Variants in NR2F1 observed in about 807,000 individuals in gnomAD.
The protein encoded by NR2F1 is nuclear receptor subfamily 2 group F member 1.
NR2F1 carries 1 observed loss-of-function variant against 37.7 expected under a neutral mutation model. The observed-to-expected ratio is 0.03, with a 90% CI of 0.01 to 0.13. The LOEUF (loss-of-function observed/expected upper bound fraction) is 0.13. Ranked by LOEUF, NR2F1 falls within the 10% of genes least tolerant of loss-of-function variation. The probability of loss-of-function intolerance (pLI) is 1.00; values close to 1 mark genes in which losing one functional copy is unlikely to be tolerated. For missense variants in NR2F1, 268 were observed against 578.4 expected, an observed-to-expected ratio of 0.46 and a Z score of 5.50; for synonymous variants, 275 against 259.6, an observed-to-expected ratio of 1.06 and a Z score of -0.57.
intron 1 of NR2F1, 196 bp downstream of exon 1, chr5:93,585,682 C>T (rs1046973168): frequency 5.1e-6 from 3 of 584,552 alleles, no homozygotes; most frequent in African/African-American, 1.9e-5. Context: ...CTGCCTCCCC[C>T]TCCCGGCCTG....
chr5:93,587,805 C>T, intron 1 of NR2F1, 112 bp from the exon 2 acceptor site: 3 of 1,138,318 alleles, frequency 2.6e-6, no homozygotes, highest in African/African-American at 3.1e-5. Flanking sequence ...ATGCGCGGGG[C>T]GCGTGTGGCT....
chr5:93,593,508 G>C lies in NR2F1; in HGVS notation c.992-54G>C. The C allele has an allele frequency of 6.4e-7, 1 of 1,559,022 alleles. No homozygotes were observed. The highest frequency in any genetic ancestry group is 1.2e-5 in the South Asian group (1 of 86,942). On this transcript the variant is annotated intron_variant, in intron 2 of 2. Transcript: ENST00000327111. This position sits in a 1 kb window ranked among gnomAD's most constrained non-coding sequence, Gnocchi z 5.6. ...CTTATTTTGCCTTTGCTATTTGTCA[G>C]CCTAACCGTGTGCTCCCTTTCCCTG...
chr5:93,593,898 G>A lies in NR2F1; in HGVS notation c.*56G>A, dbSNP rs1344989293. The A allele has an allele frequency of 1.3e-6, 2 of 1,551,034 alleles. No homozygotes were observed. Among genetic ancestry groups the A allele is most frequent in the Non-Finnish European group, 8.8e-7 (1 of 1,139,680 alleles). The stretch of plus-strand genomic sequence containing the variant: ...CCTAGAGACTCAGAGGACCCACCTG[G>A]GCCAAGGACTCCAAAGCCGCGGGGA... On this transcript the variant is annotated 3_prime_UTR_variant, in exon 3 of 3. Transcript: ENST00000327111. The surrounding 1 kb of genome is among the most constrained non-coding windows in gnomAD (Gnocchi z 5.6).
rs780963401 is a variant in NR2F1, at chr5:93,593,535, C to G, written c.992-27C>G. The G allele has an allele frequency of 6.2e-7, 1 of 1,601,738 alleles. No individual in the cohort carries two copies. The highest frequency in any genetic ancestry group is 1.7e-5 in the Admixed American group (1 of 59,620). ...CTAACCGTGTGCTCCCTTTCCCTGT[C>G]TCTCCCTCCTGTGGCTGCTTGGGCA... On this transcript the variant is annotated intron_variant, in intron 2 of 2. Transcript: ENST00000327111. The surrounding 1 kb of genome is among the most constrained non-coding windows in gnomAD (Gnocchi z 5.6).
rs979653126 is a variant in NR2F1, at chr5:93,594,392, A to G, written c.*550A>G. 1 of 152,288 alleles carries G rather than the reference A, an allele frequency of 6.6e-6. No homozygotes were observed. Among genetic ancestry groups the G allele is most frequent in the African/African-American group, 2.4e-5 (1 of 41,420 alleles). The allele number at this position is 152,288 out of a possible 1,614,324, so 9.4% of individuals were successfully genotyped here. A position where few individuals can be genotyped will look rare whatever the true frequency, so the allele number is the denominator to read the frequency against. On this transcript the variant is annotated 3_prime_UTR_variant, in exon 3 of 3. Transcript: ENST00000327111. Reference sequence around the variant, plus strand: ...GAAACAAGAATTAGGGGAAAATAACATTTTCCAAATAATTATAAAAAATTG... The same window carrying G: ...GAAACAAGAATTAGGGGAAAATAACGTTTTCCAAATAATTATAAAAAATTG...
At chr5:93,585,718 C>T (rs1327438557) in intron 1 of NR2F1, 1 of 556,246 alleles carries the variant, frequency 1.8e-6, no homozygotes, top group Non-Finnish European at 3.2e-6. Context: ...CTCCCCCACC[C>T]CGCCCGCTGC....
intron 1 of NR2F1, 71 bp downstream of exon 1, chr5:93,585,557 CG>C: frequency 7.6e-7 from 1 of 1,309,072 alleles, no homozygotes; most frequent in South Asian, 1.4e-5. Context: ...CTTTCTCGCC[CG>C]GGTGGTTGCT....
rs911409694 is a variant in NR2F1 at position 93,589,272 on chromosome 5, T to C, written c.991+828T>C. Reference sequence around the variant, plus strand: ...GTGTAGGCAGTGGTAACATGCATGTTAACAATTTCTCTTATGATAGATGGT... The same window carrying C: ...GTGTAGGCAGTGGTAACATGCATGTCAACAATTTCTCTTATGATAGATGGT... On this transcript the variant is annotated intron_variant, in intron 2 of 2. Transcript: ENST00000327111. 5.9e-5 allele frequency among the ~76,000 whole-genome samples: 9 copies of C among 152,366 alleles called. No individual in the cohort carries two copies. In the East Asian group the frequency reaches 1.7e-3, roughly 29 times the overall value.
At position 93,593,294 on chromosome 5, in the gene NR2F1, T is replaced by C. The variant is rs1753364596; in HGVS notation, c.992-268T>C. ...AAGGGACTAGAGAGGTTTCTGCCTC[T>C]GCATGTGTGTGCCTCTCTCTCCAGC... On this transcript the variant is annotated intron_variant, in intron 2 of 2. Coordinates refer to ENST00000327111, the MANE Select transcript of NR2F1 (RefSeq NM_005654.6). The surrounding 1 kb of genome is among the most constrained non-coding windows in gnomAD (Gnocchi z 5.6). 6.6e-6 allele frequency among the ~76,000 whole-genome samples: 1 copy of C among 152,084 alleles called. No individual in the cohort carries two copies. The highest frequency in any genetic ancestry group is 6.5e-5 in the Admixed American group (1 of 15,276).
chr5:93,591,057 C>G (rs555281538), intron 2 of NR2F1, among the ~76,000 whole-genome samples: 1 of 152,352 alleles, frequency 6.6e-6, no homozygotes, highest in Non-Finnish European at 1.5e-5. Flanking sequence ...TTCCTGAACA[C>G]TAAACTCTTC....
At position 93,593,550 on chromosome 5, in the gene NR2F1, C is replaced by T. The variant is rs1263029339; in HGVS notation, c.992-12C>T. On this transcript the variant is annotated splice_polypyrimidine_tract_variant and intron_variant, in intron 2 of 2. Transcript: ENST00000327111. The surrounding 1 kb of genome is among the most constrained non-coding windows in gnomAD (Gnocchi z 5.6). ...CTTTCCCTGTCTCTCCCTCCTGTGG[C>T]TGCTTGGGCAGACGCCTGTGGCCTG... 6.2e-7 allele frequency: 1 copy of T among 1,607,522 alleles called. No individual in the cohort carries two copies. Among genetic ancestry groups the T allele is most frequent in the Non-Finnish European group, 8.5e-7 (1 of 1,174,870 alleles).
chr5:93,590,059 C>T (rs949840706), intron 2 of NR2F1, among the ~76,000 whole-genome samples: 5 of 152,230 alleles, frequency 3.3e-5, no homozygotes, highest in African/African-American at 1.2e-4. Flanking sequence ...TTGATGGAAA[C>T]GTGTTTTTCA....
Position 93,593,164 on chromosome 5 carries a change from G to A in NR2F1, c.992-398G>A, listed in dbSNP as rs920317530. Among the ~76,000 whole-genome samples, 11 of 152,172 alleles carry A rather than the reference G, an allele frequency of 7.2e-5. No homozygotes were observed. Among genetic ancestry groups the A allele is most frequent in the African/African-American group, 2.4e-4 (10 of 41,424 alleles). ...AAATGGGGCAAAAGTTAATGAGCAC[G>A]GCCAGAAAGATGCTCCCTTGCAGGC... On this transcript the variant is annotated intron_variant, in intron 2 of 2. Coordinates refer to ENST00000327111, the MANE Select transcript of NR2F1 (RefSeq NM_005654.6). This position sits in a 1 kb window ranked among gnomAD's most constrained non-coding sequence, Gnocchi z 5.6.
chr5:93,585,993 T>C (rs1753225626), intron 1 of NR2F1, among the ~76,000 whole-genome samples: 1 of 152,056 alleles, frequency 6.6e-6, no homozygotes. Flanking sequence ...CCCTGAACCA[T>C]AGATTCATTG....
chr5:93,588,474 C>G (rs772278525), intron 2 of NR2F1, 30 bp downstream of exon 2: 37 of 1,472,148 alleles, frequency 2.5e-5, no homozygotes, highest in Non-Finnish European at 2.8e-5. Flanking sequence ...GAGGGCAGGC[C>G]GCGCCGGCAG....
Position 93,585,113 on chromosome 5 carries a change from C to T in NR2F1, c.90C>T (p.Ala30=). 1 of 996,876 alleles carries T rather than the reference C, an allele frequency of 1.0e-6. No homozygotes were observed. Among genetic ancestry groups the T allele is most frequent in the Non-Finnish European group, 1.2e-6 (1 of 839,386 alleles). 61.8% of individuals were successfully genotyped at this position (996,876 alleles called of 1,614,324 possible). Residue 30 remains alanine, a synonymous_variant, in exon 1 of 3, where the codon GCC becomes GCT. Transcript: ENST00000327111. Reference sequence around the variant, plus strand: ...GCCCCAACCCCGCAGCGCAGGCGGCCCGCGGCGGCGGCGGCGGCGCCGGCG... The same window carrying T: ...GCCCCAACCCCGCAGCGCAGGCGGCTCGCGGCGGCGGCGGCGGCGCCGGCG... The part of the protein sequence containing the change: ...PGGPNPAAQA[A]RGGGGGAGEQ...
rs1023338208 is a variant in NR2F1, at chr5:93,583,699, T to C, written c.-1325T>C. 2 of 152,116 alleles carry C rather than the reference T, an allele frequency of 1.3e-5. No individual in the cohort carries two copies. The highest frequency in any genetic ancestry group is 4.8e-5 in the African/African-American group (2 of 41,416). 9.4% of individuals were successfully genotyped at this position (152,116 alleles called of 1,614,324 possible). A position where few individuals can be genotyped will look rare whatever the true frequency, so the allele number is the denominator to read the frequency against. On this transcript the variant is annotated 5_prime_UTR_variant, in exon 1 of 3. Coordinates refer to ENST00000327111, the MANE Select transcript of NR2F1 (RefSeq NM_005654.6). Reference sequence around the variant, plus strand: ...GGGCGATCTCCAGGGTTTTTTTAACTAGCTCTGTGTGTTATAGCAGAAGAA... The same window carrying C: ...GGGCGATCTCCAGGGTTTTTTTAACCAGCTCTGTGTGTTATAGCAGAAGAA...
chr5:93,583,927 C>A lies in NR2F1; in HGVS notation c.-1097C>A, dbSNP rs1183166097. On this transcript the variant is annotated 5_prime_UTR_variant, in exon 1 of 3. Transcript: ENST00000327111. ...TCCGTCACCTCCCGAAAGAAGAAGGCAGCGAGAGCCCGGCGCCACCGGCAC... is the reference window on the plus strand; with the variant it reads ...TCCGTCACCTCCCGAAAGAAGAAGGAAGCGAGAGCCCGGCGCCACCGGCAC... 1 of 152,354 alleles carries A rather than the reference C, an allele frequency of 6.6e-6. No homozygotes were observed. Among genetic ancestry groups the A allele is most frequent in the Non-Finnish European group, 1.5e-5 (1 of 68,014 alleles). The allele number at this position is 152,354 out of a possible 1,614,324, so 9.4% of individuals were successfully genotyped here.
chr5:93,593,889 A>C lies in NR2F1; in HGVS notation c.*47A>C. 6.3e-7 allele frequency: 1 copy of C among 1,578,330 alleles called. No individual in the cohort carries two copies. Among genetic ancestry groups the C allele is most frequent in the African/African-American group, 1.3e-5 (1 of 74,400 alleles). On this transcript the variant is annotated 3_prime_UTR_variant, in exon 3 of 3. Coordinates refer to ENST00000327111, the MANE Select transcript of NR2F1 (RefSeq NM_005654.6). This position sits in a 1 kb window ranked among gnomAD's most constrained non-coding sequence, Gnocchi z 5.6. ...CCCCGTCCCCCTAGAGACTCAGAGG[A>C]CCCACCTGGGCCAAGGACTCCAAAG...
Sources: gnomAD v4.1 joint callset for allele counts (sites outside exome capture counted in the v4.1 genomes callset) on GRCh38, gnomAD v4.1.1 for gene constraint, Gnocchi (gnomAD v3.1) non-coding constraint, MANE v1.5 for transcripts, NCBI Gene and HGNC (gene_info 2026-07-23, HGNC 2026-07-21) for gene names.